The following METTL16 variants were observed in gnomAD, a reference collection of about 807,000 sequenced individuals.
The protein encoded by METTL16 is methyltransferase 16, RNA N6-adenosine, also known as RNA N(6)-adenosine-methyltransferase METTL16.
METTL16 carries 19 observed loss-of-function variants against 57.9 expected under a neutral mutation model. The observed-to-expected ratio is 0.33, with a 90% CI of 0.23 to 0.48. The LOEUF (loss-of-function observed/expected upper bound fraction) is 0.48. METTL16 is among the 20% of genes least tolerant of loss of function. METTL16 has a pLI of 0.99. For missense variants in METTL16, 434 were observed against 691.5 expected, an observed-to-expected ratio of 0.63 and a Z score of 4.18; for synonymous variants, 246 against 255.6, an observed-to-expected ratio of 0.96 and a Z score of 0.36.
intron 6 of METTL16, among the ~76,000 whole-genome samples, chr17:2,447,434 G>A (rs1279995035): frequency 7.3e-5 from 10 of 137,908 alleles, no homozygotes; most frequent in African/African-American, 2.6e-4. Flanking sequence ...CAGCCACCCC[G>A]TCCGGGAGGG....
In METTL16 at chr17:2,467,890, C is replaced by T. The variant is rs561250800; in HGVS notation, c.470-14G>A. The T allele has an allele frequency of 3.8e-6, 6 of 1,560,722 alleles. No homozygotes were observed. Among genetic ancestry groups the T allele is most frequent in the Admixed American group, 1.7e-5 (1 of 59,914 alleles). ...GCACTTTCACCACTAGGAGAAAAAA[C>T]AGGACTGTGAACTAATATTAATGTT... On this transcript the variant is annotated splice_polypyrimidine_tract_variant and intron_variant, in intron 4 of 9. Transcript: ENST00000263092.
intron 6 of METTL16, among the ~76,000 whole-genome samples, chr17:2,454,778 G>C (rs2067097032): frequency 1.3e-5 from 2 of 151,664 alleles, no homozygotes; most frequent in Non-Finnish European, 2.9e-5. Flanking sequence ...TGGCCAGGCT[G>C]ATCTTGAACT....
Position 2,503,983 on chromosome 17 carries a change from T to A in METTL16, c.1-1652A>T, listed in dbSNP as rs576179605. 9.9e-5 allele frequency among the ~76,000 whole-genome samples: 15 copies of A among 152,174 alleles called. No homozygotes were observed. In the South Asian group the frequency reaches 2.1e-3, roughly 21 times the overall value. On this transcript the variant is annotated intron_variant, in intron 1 of 9. Coordinates refer to ENST00000263092, the MANE Select transcript of METTL16 (RefSeq NM_024086.4). ...AACAAAATATGGTATATCCATACAA[T>A]AAATATGGATCAAGAAAATACGGTA...
chr17:2,420,369 G>A lies in METTL16; in HGVS notation c.1290C>T (p.Thr430=), dbSNP rs61753102. ...CTTCCCGCAGAGCAGGCCCACAGGG[G>A]GTCCTCTCCTGGGGGCCCCTGGCCA... ...QELARGPQER[T]PCGPALREGE... The change falls in exon 10 of 10, where the codon ACC becomes ACT. Residue 430 remains threonine, a synonymous_variant. Transcript: ENST00000263092. This position sits in a 1 kb window ranked among gnomAD's most constrained non-coding sequence, Gnocchi z 5.4. 31,124 of 1,612,460 alleles carry A rather than the reference G, an allele frequency of 0.019. 368 individuals are homozygous for A. The highest frequency in any genetic ancestry group is 0.023 in the Non-Finnish European group (27,373 of 1,180,010).
intron 1 of METTL16, among the ~76,000 whole-genome samples, chr17:2,503,547 T>C (rs1416702333): frequency 1.3e-5 from 2 of 151,330 alleles, no homozygotes; most frequent in Non-Finnish European, 2.9e-5. Flanking sequence ...AAAATAAATA[T>C]GGGTCAATGA....
chr17:2,436,926 G>C (rs1413845949), intron 8 of METTL16: 1 of 148,024 alleles, frequency 6.8e-6, no homozygotes, highest in African/African-American at 2.5e-5. Context: ...AGGCTGAAGT[G>C]CAGAAAGTGC....
chr17:2,424,923 C>T (rs1217583465), intron 8 of METTL16, among the ~76,000 whole-genome samples: 1 of 149,990 alleles, frequency 6.7e-6, no homozygotes, highest in South Asian at 2.1e-4. Context: ...ACTCCAGCCT[C>T]GGTGACAGAG....
At chr17:2,480,167 C>G (rs2067294987) in intron 2 of METTL16, among the ~76,000 whole-genome samples, 1 of 131,362 alleles carries the variant, frequency 7.6e-6, no homozygotes, top group Non-Finnish European at 1.6e-5. Context: ...GCCTAGGTGA[C>G]AGAGAGAGAC....
At chr17:2,454,727 G>A (rs1292097943) in intron 6 of METTL16, among the ~76,000 whole-genome samples, 2 of 151,346 alleles carry the variant, frequency 1.3e-5, no homozygotes, top group East Asian at 3.9e-4. Context: ...ATCATGCCCA[G>A]CTAATTTTTG....
At chr17:2,445,798 T>A (rs1014898243) in intron 6 of METTL16, among the ~76,000 whole-genome samples, 3 of 150,590 alleles carry the variant, frequency 2.0e-5, no homozygotes, top group African/African-American at 4.9e-5. Flanking sequence ...AAAAAAAAAA[T>A]TAATTAATTT....
At chr17:2,476,847 T>C (rs1354519343) in intron 3 of METTL16, among the ~76,000 whole-genome samples, 8 of 151,966 alleles carry the variant, frequency 5.3e-5, no homozygotes, top group Non-Finnish European at 1.2e-4. Flanking sequence ...TCCCAGCTAC[T>C]TGGGAGGCTG....
At chr17:2,496,211 T>C (rs560884052) in intron 2 of METTL16, among the ~76,000 whole-genome samples, 13 of 151,856 alleles carry the variant, frequency 8.6e-5, no homozygotes, top group East Asian at 5.8e-4. Flanking sequence ...AAGGCATTCA[T>C]GGATCCTCTC....
chr17:2,435,712 C>A (rs897124483), intron 8 of METTL16, among the ~76,000 whole-genome samples: 1 of 145,966 alleles, frequency 6.9e-6, no homozygotes, highest in African/African-American at 2.5e-5. Flanking sequence ...GAGTCTGGGG[C>A]CCTCAGCATT....
intron 3 of METTL16, chr17:2,475,163 T>C (rs897393908): frequency 6.6e-6 from 1 of 152,098 alleles, no homozygotes; most frequent in African/African-American, 2.4e-5. Flanking sequence ...TCATTACGCA[T>C]CCTGAACAGG....
chr17:2,452,486 A>T (rs1388398115), intron 6 of METTL16, among the ~76,000 whole-genome samples: 3 of 152,182 alleles, frequency 2.0e-5, no homozygotes, highest in African/African-American at 7.2e-5. Flanking sequence ...CAACTAATCA[A>T]AATGCAAGTG....
chr17:2,505,544 C>T (rs1424885658), intron 1 of METTL16, among the ~76,000 whole-genome samples: 4 of 151,598 alleles, frequency 2.6e-5, no homozygotes, highest in Admixed American at 1.3e-4. Context: ...CCACCACGCC[C>T]GGCCAGAACA....
At chr17:2,500,771 G>A (rs1481277096) in intron 2 of METTL16, among the ~76,000 whole-genome samples, 1 of 152,004 alleles carries the variant, frequency 6.6e-6, no homozygotes, top group Non-Finnish European at 1.5e-5. Context: ...TTCCCATATA[G>A]TTATCATAAT....
chr17:2,421,034 G>C (rs931945302), intron 8 of METTL16, 130 bp from the exon 9 acceptor site: 4 of 1,001,748 alleles, frequency 4.0e-6, no homozygotes, highest in African/African-American at 1.6e-5. Context: ...AAACACAAAG[G>C]GTTTTGTGTG....
chr17:2,448,725 C>T (rs1264821944), intron 6 of METTL16, among the ~76,000 whole-genome samples: 8 of 107,854 alleles, frequency 7.4e-5, no homozygotes, highest in South Asian at 3.2e-4. Flanking sequence ...GCGAGAAACA[C>T]CCAAGAATGA....
Sources: gnomAD v4.1 joint callset for allele counts (sites outside exome capture counted in the v4.1 genomes callset) on GRCh38, gnomAD v4.1.1 for gene constraint, Gnocchi (gnomAD v3.1) non-coding constraint, MANE v1.5 for transcripts, NCBI Gene and HGNC (gene_info 2026-07-23, HGNC 2026-07-21) for gene names.